Variants in HDAC4 observed in about 807,000 individuals in gnomAD.
HDAC4 encodes the protein histone deacetylase A.
HDAC4 carries 16 observed loss-of-function variants against 135.1 expected under a neutral mutation model. That is an observed-to-expected ratio of 0.12 (90% CI 0.08 to 0.18). The LOEUF is 0.18. HDAC4 is among the 10% of genes least tolerant of loss of function. HDAC4 has a pLI of 1.00. For missense variants in HDAC4, 1,143 were observed against 1,511.8 expected, an observed-to-expected ratio of 0.76 and a Z score of 4.05; for synonymous variants, 685 against 653.4, an observed-to-expected ratio of 1.05 and a Z score of -0.74.
At chr2:239,267,630 G>A (rs994616489) in intron 2 of HDAC4, among the ~76,000 whole-genome samples, 11 of 152,278 alleles carry the variant, frequency 7.2e-5, no homozygotes, top group African/African-American at 2.7e-4. Context: ...GCGGAGCCCT[G>A]AGCCAAGGCA....
intron 1 of HDAC4, among the ~76,000 whole-genome samples, chr2:239,391,047 A>G (rs4852063): frequency 0.83 from 125,990 of 152,242 alleles, 52,398 homozygotes; most frequent in East Asian, 0.94. Context: ...AGACCGCTCG[A>G]GTCATCCTCA....
At chr2:239,248,211 C>T (rs1212908455) in intron 2 of HDAC4, among the ~76,000 whole-genome samples, 21 of 151,526 alleles carry the variant, frequency 1.4e-4, no homozygotes, top group African/African-American at 5.1e-4. Flanking sequence ...GATGGAGTCT[C>T]GCTCTGTCAC....
chr2:239,258,468 C>T (rs528171217), intron 2 of HDAC4, among the ~76,000 whole-genome samples: 59 of 152,282 alleles, frequency 3.9e-4, no homozygotes, highest in Non-Finnish European at 2.2e-4. Context: ...GATTTCTCAA[C>T]GGAAACACGT....
In HDAC4 at chr2:239,240,837, G is replaced by A. The variant is rs555575041; in HGVS notation, c.23-4173C>T. 5.9e-5 allele frequency among the ~76,000 whole-genome samples: 9 copies of A among 152,344 alleles called. No homozygotes were observed. Among genetic ancestry groups the A allele is most frequent in the African/African-American group, 2.2e-4 (9 of 41,574 alleles). On this transcript the variant is annotated intron_variant, in intron 2 of 26. Transcript: ENST00000543185. The surrounding 1 kb of genome is among the most constrained non-coding windows in gnomAD (Gnocchi z 4.5). ...GCCGACAGGACCCAGCCTGAACTGAGCATTGTTTGAGACTCGGAGTCCGCC... is the reference window on the plus strand; with the variant it reads ...GCCGACAGGACCCAGCCTGAACTGAACATTGTTTGAGACTCGGAGTCCGCC...
chr2:239,218,379 A>G (rs1281116033), intron 3 of HDAC4, among the ~76,000 whole-genome samples: 2 of 151,498 alleles, frequency 1.3e-5, no homozygotes, highest in Non-Finnish European at 2.9e-5. Flanking sequence ...AGGATTCCCT[A>G]TTTAATAAAT....
At chr2:239,204,620 G>T (rs551268130) in intron 3 of HDAC4, among the ~76,000 whole-genome samples, 210 of 152,340 alleles carry the variant, frequency 1.4e-3, no homozygotes, top group African/African-American at 5.0e-3. Flanking sequence ...TCCGTGGAGG[G>T]CTGCACCACT....
At chr2:239,072,906 G>A (rs1387907880) in intron 22 of HDAC4, among the ~76,000 whole-genome samples, 8 of 152,206 alleles carry the variant, frequency 5.3e-5, no homozygotes, top group African/African-American at 4.8e-5. Context: ...AAGATCCCGC[G>A]GGCTACTCTC....
At chr2:239,132,160 G>T (rs1464636826) in intron 11 of HDAC4, among the ~76,000 whole-genome samples, 4 of 152,178 alleles carry the variant, frequency 2.6e-5, no homozygotes, top group Non-Finnish European at 4.4e-5. Context: ...GCCAACACCT[G>T]CAGGGGCACA....
chr2:239,206,460 A>G (rs896931566), intron 3 of HDAC4, among the ~76,000 whole-genome samples: 7 of 152,156 alleles, frequency 4.6e-5, no homozygotes, highest in African/African-American at 1.7e-4. Context: ...GCACCATTGC[A>G]TCTATAAAGT....
rs907682335 is a variant in HDAC4 at position 239,308,367 on chromosome 2, A to G, written c.22+44311T>C. ...TGGTACTCAGCAACAGGCTTTCCTA[A>G]TAAGAATTCCACACTTCCATGAGGC... On this transcript the variant is annotated intron_variant, in intron 2 of 26. Coordinates refer to ENST00000543185, the MANE Select transcript of HDAC4 (RefSeq NM_001378414.1). The surrounding 1 kb of genome is among the most constrained non-coding windows in gnomAD (Gnocchi z 4.2). 6.6e-6 allele frequency among the ~76,000 whole-genome samples: 1 copy of G among 152,190 alleles called. No individual in the cohort carries two copies. The highest frequency in any genetic ancestry group is 1.5e-5 in the Non-Finnish European group (1 of 68,028).
intron 6 of HDAC4, among the ~76,000 whole-genome samples, chr2:239,158,239 A>C (rs150490123): frequency 2.0e-5 from 3 of 152,298 alleles, no homozygotes; most frequent in African/African-American, 7.2e-5. Context: ...CCTATGGGGA[A>C]TGTGATCTTG....
At chr2:239,300,284 A>C (rs1176421234) in intron 2 of HDAC4, among the ~76,000 whole-genome samples, 2 of 152,232 alleles carry the variant, frequency 1.3e-5, no homozygotes, top group African/African-American at 4.8e-5. Flanking sequence ...TCAAACTCTC[A>C]GTCTAGAGCC....
intron 3 of HDAC4, among the ~76,000 whole-genome samples, chr2:239,193,924 C>G (rs13419802): frequency 6.6e-6 from 1 of 152,098 alleles, no homozygotes; most frequent in African/African-American, 2.4e-5. Context: ...CAAATGCCAC[C>G]GAAGCTATTT....
intron 12 of HDAC4, among the ~76,000 whole-genome samples, chr2:239,122,808 C>T (rs576132780): frequency 6.6e-6 from 1 of 152,334 alleles, no homozygotes; most frequent in African/African-American, 2.4e-5. Flanking sequence ...CTCTAAGGTA[C>T]AGGCTGAAGG....
At chr2:239,378,394 A>T (rs1559395904) in intron 1 of HDAC4, among the ~76,000 whole-genome samples, 1 of 152,148 alleles carries the variant, frequency 6.6e-6, no homozygotes, top group African/African-American at 2.4e-5. Flanking sequence ...CGGGGAACGA[A>T]GAGCTGAGTC....
chr2:239,089,333 T>G (rs1574978963), intron 18 of HDAC4, among the ~76,000 whole-genome samples: 2 of 152,192 alleles, frequency 1.3e-5, no homozygotes, highest in East Asian at 3.9e-4. Flanking sequence ...CTTTTTAATT[T>G]TTTAGTTTTT....
At chr2:239,174,881 C>T (rs994936900) in intron 5 of HDAC4, among the ~76,000 whole-genome samples, 5 of 152,100 alleles carry the variant, frequency 3.3e-5, no homozygotes, top group Admixed American at 1.3e-4. Flanking sequence ...AAGCAAAACG[C>T]AAAAATCCTA....
In HDAC4 at chr2:239,068,669, A is replaced by G. The variant is rs1005023680; in HGVS notation, c.2751-62T>C. 3.6e-5 allele frequency: 51 copies of G among 1,405,072 alleles called. 1 individual carries two copies. The highest frequency in any genetic ancestry group is 4.7e-5 in the Non-Finnish European group (47 of 990,892). The allele number at this position is 1,405,072 out of a possible 1,614,324, so 87.0% of individuals were successfully genotyped here. A position where few individuals can be genotyped will look rare whatever the true frequency, so the allele number is the denominator to read the frequency against. ...GAAAGAGGGACGGGACGGTCACAAAACCCCAAGGTTCCCTCTGGCATTGAT... is the reference window on the plus strand; with the variant it reads ...GAAAGAGGGACGGGACGGTCACAAAGCCCCAAGGTTCCCTCTGGCATTGAT... On this transcript the variant is annotated intron_variant, in intron 22 of 26. Coordinates refer to ENST00000543185, the MANE Select transcript of HDAC4 (RefSeq NM_001378414.1). The surrounding 1 kb of genome is among the most constrained non-coding windows in gnomAD (Gnocchi z 4.4).
intron 3 of HDAC4, among the ~76,000 whole-genome samples, chr2:239,215,018 G>A (rs751826476): frequency 1.2e-4 from 18 of 152,328 alleles, no homozygotes; most frequent in African/African-American, 3.8e-4. Context: ...GCAGGCTCTA[G>A]GATCTGGAAG....
Sources: allele counts gnomAD v4.1 joint callset (sites outside exome capture counted in the v4.1 genomes callset), GRCh38; gene constraint gnomAD v4.1.1; non-coding constraint Gnocchi (gnomAD v3.1); transcripts MANE v1.5; gene names NCBI Gene and HGNC (gene_info 2026-07-23, HGNC 2026-07-21).